The following TTC23L variants were observed in gnomAD, a reference collection of about 807,000 sequenced individuals.
The protein encoded by TTC23L is tetratricopeptide repeat domain 23 like.
A neutral mutation model predicts 48.1 loss-of-function variants in TTC23L; 42 were observed. The observed-to-expected ratio is 0.87, with a 90% CI of 0.68 to 1.13. The LOEUF is 1.13. Ranked by LOEUF, TTC23L falls within the 50% of genes most tolerant of loss-of-function variation. The pLI is 0.00. For synonymous variants in TTC23L, 159 were observed against 157.2 expected (o/e 1.01, Z -0.09); for missense variants, 391 against 421.0 (o/e 0.93, Z 0.62).
At chr5:34,915,727 C>T in the TTC23L span, 7 of 1,592,768 alleles carry the variant, frequency 4.4e-6, no homozygotes, top group Non-Finnish European at 4.3e-6. Flanking sequence ...AGAGCGCGGG[C>T]GGCGAGGCAA....
intron 10 of TTC23L, among the ~76,000 whole-genome samples, chr5:34,898,124 T>C (rs1763343883): frequency 6.6e-6 from 1 of 152,236 alleles, no homozygotes; most frequent in Non-Finnish European, 1.5e-5. Context: ...TGTAAAGTGC[T>C]TAGCAGAGTG....
At chr5:34,840,502 GT>G (rs1486826580) in intron 1 of TTC23L, among the ~76,000 whole-genome samples, 162 bp from the exon 2 acceptor site, 1 of 152,200 alleles carries the variant, frequency 6.6e-6, no homozygotes, top group African/African-American at 2.4e-5. Context: ...GCAAATGTCT[GT>G]TTTCCAGCGG....
chr5:34,889,333 A>T (rs1762715424), intron 9 of TTC23L, among the ~76,000 whole-genome samples: 1 of 152,082 alleles, frequency 6.6e-6, no homozygotes, highest in African/African-American at 2.4e-5. Context: ...AATAAGTGTG[A>T]CTCTAAAGGC....
At chr5:34,916,000 G>T in the TTC23L span, 1 of 1,340,684 alleles carries the variant, frequency 7.5e-7, no homozygotes, top group East Asian at 2.7e-5. Context: ...AGAGTAGCCC[G>T]GGTGTTAACG....
At chr5:34,847,478 CTG>C (rs1554017528) in intron 3 of TTC23L, among the ~76,000 whole-genome samples, 2 of 75,860 alleles carry the variant, frequency 2.6e-5, no homozygotes, top group Non-Finnish European at 4.9e-5. Flanking sequence ...CTCAATAACG[CTG>C]TTTTTTTTTT....
At chr5:34,851,316 G>C (rs1234153255) in intron 4 of TTC23L, among the ~76,000 whole-genome samples, 1 of 152,132 alleles carries the variant, frequency 6.6e-6, no homozygotes, top group Non-Finnish European at 1.5e-5. Flanking sequence ...CCATAATGAG[G>C]CTGGATATCA....
At chr5:34,923,476 C>T in the TTC23L span, 1 of 456,744 alleles carries the variant, frequency 2.2e-6, no homozygotes, top group Non-Finnish European at 4.0e-6. Context: ...CGGGGTTTCG[C>T]CATGTTGGCC....
intron 9 of TTC23L, among the ~76,000 whole-genome samples, chr5:34,887,284 G>A (rs529542701): frequency 2.6e-4 from 39 of 152,202 alleles, no homozygotes; most frequent in African/African-American, 8.7e-4. Flanking sequence ...ATGAACACGC[G>A]GATGACATCT....
the TTC23L span, chr5:34,914,086 A>C: frequency 2.3e-6 from 1 of 433,432 alleles, no homozygotes; most frequent in Non-Finnish European, 4.7e-6. Context: ...CATGCTGTGC[A>C]CTTACGTGTT....
chr5:34,856,207 C>G (rs1396843166), intron 4 of TTC23L, among the ~76,000 whole-genome samples: 1 of 152,196 alleles, frequency 6.6e-6, no homozygotes. Context: ...AGAGAATCCA[C>G]AAGTTGAGAA....
At chr5:34,896,684 A>C in intron 9 of TTC23L, 86 bp from the exon 10 acceptor site, 1 of 732,062 alleles carries the variant, frequency 1.4e-6, no homozygotes, top group South Asian at 1.5e-5. Flanking sequence ...CTGGAATAGC[A>C]TTCTCAGTGC....
chr5:34,859,422 C>T (rs1014849371), intron 4 of TTC23L, among the ~76,000 whole-genome samples: 60 of 152,158 alleles, frequency 3.9e-4, no homozygotes, highest in African/African-American at 1.4e-3. Flanking sequence ...GATCTAATTC[C>T]CCCTCCTCAT....
rs112657427 is a variant in TTC23L, at chr5:34,877,454, G to A, written c.950-2727G>A. 4.8e-3 allele frequency among the ~76,000 whole-genome samples: 689 copies of A among 142,780 alleles called. 5 individuals carry two copies. Among genetic ancestry groups the A allele is most frequent in the Admixed American group, 7.4e-3 (100 of 13,544 alleles). The allele number at this position is 142,780 out of a possible 152,430, so 93.7% of individuals were successfully genotyped here. On this transcript the variant is annotated intron_variant, in intron 8 of 10. Coordinates refer to ENST00000505624, the Ensembl canonical transcript of TTC23L. ...TTTTCTTTTTTTGAGACAGAGTTTC[G>A]CTTTTGTTGCTCAGGCTGGAGTACA...
chr5:34,881,661 G>A (rs759834780), intron 9 of TTC23L, among the ~76,000 whole-genome samples: 4 of 151,586 alleles, frequency 2.6e-5, no homozygotes, highest in South Asian at 2.1e-4. Flanking sequence ...AAATGATGAC[G>A]TTTTCTTTAT....
intron 4 of TTC23L, among the ~76,000 whole-genome samples, chr5:34,862,176 C>A (rs1760716500): frequency 6.6e-6 from 1 of 152,114 alleles, no homozygotes; most frequent in Non-Finnish European, 1.5e-5. Flanking sequence ...AGGGGAAAAA[C>A]CCCACCAGTT....
the TTC23L span, chr5:34,925,676 C>A: frequency 1.8e-6 from 1 of 542,566 alleles, no homozygotes; most frequent in Non-Finnish European, 3.1e-6. Flanking sequence ...CAGAATTCAT[C>A]AGTTAATTTC....
chr5:34,915,190 G>A, the TTC23L span, among the ~76,000 whole-genome samples: 2 of 152,208 alleles, frequency 1.3e-5, no homozygotes. Flanking sequence ...ATGAAGACAC[G>A]CAACTGACAC....
At chr5:34,920,332 A>G in the TTC23L span, 1 of 152,318 alleles carries the variant, frequency 6.6e-6, no homozygotes, top group African/African-American at 2.4e-5. Flanking sequence ...TACATTTTCA[A>G]AGTATTGTTT....
At chr5:34,853,986 G>C (rs1452411177) in intron 4 of TTC23L, among the ~76,000 whole-genome samples, 3 of 152,222 alleles carry the variant, frequency 2.0e-5, no homozygotes, top group Non-Finnish European at 4.4e-5. Flanking sequence ...AAGATGACTA[G>C]GGTAGGTCTA....
Sources: allele counts gnomAD v4.1 joint callset (sites outside exome capture counted in the v4.1 genomes callset), GRCh38; gene constraint gnomAD v4.1.1; transcripts MANE v1.5; gene names NCBI Gene and HGNC (gene_info 2026-07-23, HGNC 2026-07-21).